The following ASAP2 variants were observed in gnomAD, a reference collection of about 807,000 sequenced individuals.
The protein encoded by ASAP2 is ArfGAP with SH3 domain, ankyrin repeat and PH domain 2.
A neutral mutation model predicts 131.4 loss-of-function variants in ASAP2; 45 were observed. That is an observed-to-expected ratio of 0.34 (90% CI 0.27 to 0.44). The LOEUF (loss-of-function observed/expected upper bound fraction) is 0.44, where lower values mean the gene tolerates loss of function less well. Among genes scored for constraint, ASAP2 ranks in the 20% least tolerant of loss-of-function variants. The pLI is 1.00. For missense variants in ASAP2, 1,011 were observed against 1,297.0 expected (o/e 0.78, Z 3.39); for synonymous variants, 510 against 503.0 (o/e 1.01, Z -0.19).
chr2:9,221,863 G>A (rs766800257), intron 1 of ASAP2, among the ~76,000 whole-genome samples: 2 of 152,050 alleles, frequency 1.3e-5, no homozygotes, highest in East Asian at 1.9e-4. Flanking sequence ...GCGCCATCTC[G>A]GCTCACTGCA....
At chr2:9,306,357 A>G (rs1327461914) in intron 3 of ASAP2, among the ~76,000 whole-genome samples, 1 of 151,762 alleles carries the variant, frequency 6.6e-6, no homozygotes, top group East Asian at 1.9e-4. Flanking sequence ...GGGATGCAGA[A>G]GAGCAGCCGT....
chr2:9,237,086 G>A (rs1663606109), intron 1 of ASAP2, among the ~76,000 whole-genome samples: 1 of 152,130 alleles, frequency 6.6e-6, no homozygotes, highest in Admixed American at 6.5e-5. Context: ...AGAGGGACAA[G>A]TCTCTGACCT....
At chr2:9,280,620 G>A (rs947068257) in intron 2 of ASAP2, among the ~76,000 whole-genome samples, 1 of 152,222 alleles carries the variant, frequency 6.6e-6, no homozygotes, top group Non-Finnish European at 1.5e-5. Flanking sequence ...ATGCACAGGG[G>A]TTAGAAGAGT....
At chr2:9,317,607 C>T (rs1320684537) in intron 3 of ASAP2, among the ~76,000 whole-genome samples, 3 of 151,380 alleles carry the variant, frequency 2.0e-5, no homozygotes, top group South Asian at 2.1e-4. Context: ...TTCACGCACT[C>T]ACATCCACAA....
intron 18 of ASAP2, among the ~76,000 whole-genome samples, chr2:9,377,868 A>T (rs1572587291): frequency 6.6e-6 from 1 of 152,156 alleles, no homozygotes; most frequent in South Asian, 2.1e-4. Flanking sequence ...GGCTGAGTTC[A>T]CTGGACTCGT....
In ASAP2 at chr2:9,389,272, C is replaced by T. The variant is rs1415563635; in HGVS notation, c.2383+726C>T. On this transcript the variant is annotated intron_variant, in intron 22 of 27. Transcript: ENST00000281419. This position sits in a 1 kb window ranked among gnomAD's most constrained non-coding sequence, Gnocchi z 4.7. ...CTCTGGGCTGAGCTCCAGTCGTGGC[C>T]ATGGCCTTCAGAGGGTTTCCCACAT... is the stretch of plus-strand genomic sequence containing the variant. Among the ~76,000 whole-genome samples, 2 of 152,196 alleles carry T rather than the reference C, an allele frequency of 1.3e-5. No homozygotes were observed. The highest frequency in any genetic ancestry group is 1.3e-4 in the Admixed American group (2 of 15,280).
chr2:9,257,541 C>G (rs750581289), intron 1 of ASAP2, among the ~76,000 whole-genome samples: 1 of 152,154 alleles, frequency 6.6e-6, no homozygotes, highest in Non-Finnish European at 1.5e-5. Context: ...GTTTTTGAGA[C>G]AAGGTTTCTC....
intron 2 of ASAP2, among the ~76,000 whole-genome samples, chr2:9,294,686 A>G (rs752990844): frequency 1.3e-5 from 2 of 152,166 alleles, no homozygotes; most frequent in Non-Finnish European, 2.9e-5. Flanking sequence ...TTGGGTGTTC[A>G]CTTAGAGCAA....
intron 7 of ASAP2, among the ~76,000 whole-genome samples, chr2:9,334,465 G>A (rs892980175): frequency 2.0e-5 from 3 of 152,036 alleles, no homozygotes; most frequent in African/African-American, 4.8e-5. Flanking sequence ...AACCTCTCCC[G>A]TTATAAACTG....
At chr2:9,365,647 G>T (rs538649471) in intron 15 of ASAP2, among the ~76,000 whole-genome samples, 1 of 152,290 alleles carries the variant, frequency 6.6e-6, no homozygotes, top group African/African-American at 2.4e-5. Context: ...ACACACAGAC[G>T]ACTCCCCCGT....
chr2:9,286,866 A>G (rs1193274454), intron 2 of ASAP2, among the ~76,000 whole-genome samples: 2 of 152,224 alleles, frequency 1.3e-5, no homozygotes, highest in Non-Finnish European at 2.9e-5. Flanking sequence ...TAGATGATAA[A>G]TGATGATAAA....
At chr2:9,375,869 C>T (rs2148719581) in intron 17 of ASAP2, among the ~76,000 whole-genome samples, 1 of 152,318 alleles carries the variant, frequency 6.6e-6, no homozygotes, top group East Asian at 1.9e-4. Flanking sequence ...ACTGTGCTCC[C>T]CCTCAGAGGG....
intron 1 of ASAP2, among the ~76,000 whole-genome samples, chr2:9,234,066 G>A (rs1380836518): frequency 7.2e-6 from 1 of 139,314 alleles, no homozygotes; most frequent in Non-Finnish European, 1.5e-5. Context: ...AGTCAAGATC[G>A]CACCACTGCA....
At chr2:9,369,386 G>C (rs753782471) in intron 16 of ASAP2, among the ~76,000 whole-genome samples, 1 of 152,208 alleles carries the variant, frequency 6.6e-6, no homozygotes, top group Non-Finnish European at 1.5e-5. Flanking sequence ...CATCTTATCA[G>C]AGTGTCAGTG....
At chr2:9,313,440 C>T (rs527392401) in intron 3 of ASAP2, among the ~76,000 whole-genome samples, 7 of 152,272 alleles carry the variant, frequency 4.6e-5, no homozygotes, top group East Asian at 3.9e-4. Flanking sequence ...TGTGTACTCC[C>T]GCTTCATGAA....
At chr2:9,285,728 A>T (rs1667418994) in intron 2 of ASAP2, among the ~76,000 whole-genome samples, 1 of 152,236 alleles carries the variant, frequency 6.6e-6, no homozygotes, top group Non-Finnish European at 1.5e-5. Context: ...ATCAAGAAGG[A>T]AGCAACAGAA....
At chr2:9,317,927 A>G (rs562482305) in intron 3 of ASAP2, among the ~76,000 whole-genome samples, 2 of 152,294 alleles carry the variant, frequency 1.3e-5, no homozygotes, top group East Asian at 3.9e-4. Context: ...AAGCACAGTC[A>G]CACCTTTACA....
chr2:9,299,427 A>G (rs1352770903), intron 3 of ASAP2, among the ~76,000 whole-genome samples: 1 of 152,230 alleles, frequency 6.6e-6, no homozygotes, highest in Non-Finnish European at 1.5e-5. Flanking sequence ...AGAATTAAAG[A>G]TATTTTCAGA....
chr2:9,213,211 C>T (rs1661730617), intron 1 of ASAP2, among the ~76,000 whole-genome samples: 1 of 152,146 alleles, frequency 6.6e-6, no homozygotes, highest in Admixed American at 6.5e-5. Flanking sequence ...GGCTGGAATG[C>T]AGAGAGGAAG....
Sources: gnomAD v4.1 joint callset for allele counts (sites outside exome capture counted in the v4.1 genomes callset) on GRCh38, gnomAD v4.1.1 for gene constraint, Gnocchi (gnomAD v3.1) non-coding constraint, MANE v1.5 for transcripts, NCBI Gene and HGNC (gene_info 2026-07-23, HGNC 2026-07-21) for gene names.